CAPN5: variants seen among roughly 807,000 people sequenced by gnomAD.
The protein encoded by CAPN5 is calpain-5.
A neutral mutation model predicts 73.0 loss-of-function variants in CAPN5; 54 were observed. That is an observed-to-expected ratio of 0.74 (90% CI 0.59 to 0.93). CAPN5 has a LOEUF of 0.93. CAPN5 is among the 40% of genes least tolerant of loss of function. The pLI, the probability that CAPN5 is intolerant of heterozygous loss-of-function variation, is 0.00. For missense variants in CAPN5, 785 were observed against 882.9 expected (o/e 0.89, Z 1.41); for synonymous variants, 335 against 356.9 (o/e 0.94, Z 0.69).
chr11:77,082,272 C>T (rs1413343706), intron 1 of CAPN5, among the ~76,000 whole-genome samples: 2 of 152,116 alleles, frequency 1.3e-5, no homozygotes, highest in Non-Finnish European at 2.9e-5. Flanking sequence ...AGGGCAGGCA[C>T]ACAGGGCAGC....
chr11:77,093,698 C>T lies in CAPN5; in HGVS notation c.182C>T (p.Pro61Leu), dbSNP rs782029802. 1.2e-6 allele frequency: 2 copies of T among 1,602,362 alleles called. No homozygotes were observed. Among genetic ancestry groups the T allele is most frequent in the Middle Eastern group, 1.7e-4 (1 of 6,046 alleles). ...TCTCCGCAGGGCATCTGCGAGGACC[C>T]CCGCCTCTTTGTGGATGGCATCAGC... ...WKRPKGICED[P>L]RLFVDGISSH... Residue 61 changes from proline (P) to leucine (L), a missense_variant, in exon 3 of 13, where the codon CCC becomes CTC. By Grantham distance (98) the Pro-to-Leu change is moderately conservative. Transcript: ENST00000648180.
chr11:77,103,372 C>G lies in CAPN5; in HGVS notation c.298-9217C>G, dbSNP rs931354470. The stretch of plus-strand genomic sequence containing the variant: ...GCTGCTCTCCTCTAGCCCACCTGTG[C>G]TCTCCCCTGCCCCTGCCACTTTCCC... On this transcript the variant is annotated intron_variant, in intron 3 of 12. Coordinates refer to ENST00000648180, the MANE Select transcript of CAPN5 (RefSeq NM_004055.5). 5 of 1,574,922 alleles carry G rather than the reference C, an allele frequency of 3.2e-6. No homozygotes were observed. The African/African-American group carries it at 6.7e-5, about 21-fold the overall frequency.
chr11:77,091,055 T>C (rs1950144094), intron 2 of CAPN5, among the ~76,000 whole-genome samples: 1 of 152,150 alleles, frequency 6.6e-6, no homozygotes, highest in African/African-American at 2.4e-5. Context: ...AGGGGCCAGG[T>C]CTCAGGAGCT....
chr11:77,077,075 A>T (rs888665730), intron 1 of CAPN5, among the ~76,000 whole-genome samples: 2 of 152,234 alleles, frequency 1.3e-5, no homozygotes, highest in Non-Finnish European at 1.5e-5. Flanking sequence ...AAAAGATTTA[A>T]GTCAGGCACA....
chr11:77,069,777 C>G (rs1363017904), intron 1 of CAPN5, among the ~76,000 whole-genome samples: 2 of 152,218 alleles, frequency 1.3e-5, no homozygotes, highest in South Asian at 2.1e-4. Flanking sequence ...AGGCACCTCT[C>G]AAGTGCCCTC....
At chr11:77,121,901 A>G in intron 10 of CAPN5, 33 bp from the exon 11 acceptor site, 2 of 1,284,508 alleles carry the variant, frequency 1.6e-6, no homozygotes, top group East Asian at 5.2e-5. Flanking sequence ...GCCCTTCTCC[A>G]TCACTCCCCT....
chr11:77,103,011 AC>A lies in CAPN5; in HGVS notation c.297+9201del. 1.9e-6 allele frequency: 3 copies of A among 1,613,514 alleles called. No homozygotes were observed. In the South Asian group the frequency reaches 3.3e-5, roughly 18 times the overall value. ...GGAGTCTGTGTACCGCCTCAACTTC[AC>A]CCAGCAGCAGCGGCTACAGTTCGAG... is the stretch of plus-strand genomic sequence containing the variant. On this transcript the variant is annotated intron_variant, in intron 3 of 12. Coordinates refer to ENST00000648180, the MANE Select transcript of CAPN5 (RefSeq NM_004055.5).
At chr11:77,089,574 G>C (rs1286903727) in intron 2 of CAPN5, among the ~76,000 whole-genome samples, 1 of 152,226 alleles carries the variant, frequency 6.6e-6, no homozygotes, top group Non-Finnish European at 1.5e-5. Context: ...TGGTCTCATT[G>C]CTATCTAGTG....
chr11:77,083,479 C>T (rs1041706086), intron 1 of CAPN5, among the ~76,000 whole-genome samples: 6 of 152,310 alleles, frequency 3.9e-5, no homozygotes, highest in Admixed American at 6.5e-5. Context: ...GGTTCCCGTC[C>T]GGACACCAGG....
chr11:77,100,474 G>A (rs782151148), intron 3 of CAPN5, among the ~76,000 whole-genome samples: 3 of 151,912 alleles, frequency 2.0e-5, no homozygotes, highest in South Asian at 4.2e-4. Flanking sequence ...CCCCACCTTC[G>A]GCCTCCAGAA....
In CAPN5 at chr11:77,123,885, C is replaced by A. The variant is rs1555043390; in HGVS notation, c.*15C>A. 1 of 1,609,964 alleles carries A rather than the reference C, an allele frequency of 6.2e-7. No homozygotes were observed. The highest frequency in any genetic ancestry group is 2.2e-5 in the East Asian group (1 of 44,868). On this transcript the variant is annotated 3_prime_UTR_variant, in exon 13 of 13. Transcript: ENST00000648180. Reference sequence around the variant, plus strand: ...TGGCTGTCTGACACCTGCCCACCTACCTGGCTCTGACCGTTCCCACCACCA... The same window carrying A: ...TGGCTGTCTGACACCTGCCCACCTAACTGGCTCTGACCGTTCCCACCACCA...
At chr11:77,071,077 C>T (rs1236053470) in intron 1 of CAPN5, among the ~76,000 whole-genome samples, 1 of 152,220 alleles carries the variant, frequency 6.6e-6, no homozygotes, top group East Asian at 1.9e-4. Context: ...GGCCGTCATT[C>T]AGCCCACCCC....
At chr11:77,088,285 C>T (rs1950111723) in intron 2 of CAPN5, among the ~76,000 whole-genome samples, 1 of 152,128 alleles carries the variant, frequency 6.6e-6, no homozygotes. Context: ...GGACTCTTGC[C>T]CATCAAGCCA....
chr11:77,081,078 G>T (rs1371737175), intron 1 of CAPN5, among the ~76,000 whole-genome samples: 4 of 152,164 alleles, frequency 2.6e-5, no homozygotes, highest in Non-Finnish European at 4.4e-5. Flanking sequence ...CCCTGGAGAT[G>T]ATGGCCAGCT....
rs1238990108 is a variant in CAPN5 at position 77,099,739 on chromosome 11, G to GGGAGAGGGAGAC, written c.297+5950_297+5961dup. ...AGGGAGAGGGAGACGGAGAGGGAGAGGGAGAGGGAGACGGAGAGGGAGACG... is the reference window on the plus strand; with the variant it reads ...AGGGAGAGGGAGACGGAGAGGGAGAGGGAGAGGGAGACGGAGAGGGAGACGGAGAGGGAGACG... On this transcript the variant is annotated intron_variant, in intron 3 of 12. Transcript: ENST00000648180. Among the ~76,000 whole-genome samples, 160 of 148,700 alleles carry GGGAGAGGGAGAC rather than the reference G, an allele frequency of 1.1e-3. 1 individual carries two copies. The highest frequency in any genetic ancestry group is 2.1e-3 in the Admixed American group (31 of 15,070).
At position 77,123,945 on chromosome 11, in the gene CAPN5, G is replaced by T; in HGVS notation, c.*75G>T. On this transcript the variant is annotated 3_prime_UTR_variant, in exon 13 of 13. Coordinates refer to ENST00000648180, the MANE Select transcript of CAPN5 (RefSeq NM_004055.5). ...CCCCACTGGGCCTGAGTCTAGCCTG[G>T]GAGCCAGGATACTGGGGTCCTTTTC... The T allele has an allele frequency of 6.9e-7, 1 of 1,441,984 alleles. No individual in the cohort carries two copies. The highest frequency in any genetic ancestry group is 9.5e-7 in the Non-Finnish European group (1 of 1,047,576). The allele number at this position is 1,441,984 out of a possible 1,614,324, so 89.3% of individuals were successfully genotyped here. A position where few individuals can be genotyped will look rare whatever the true frequency, so the allele number is the denominator to read the frequency against.
At chr11:77,113,782 A>G (rs1399094266) in intron 4 of CAPN5, among the ~76,000 whole-genome samples, 2 of 136,600 alleles carry the variant, frequency 1.5e-5, no homozygotes, top group Non-Finnish European at 3.2e-5. Flanking sequence ...GAAAAAACAC[A>G]GTTTCATTGT....
chr11:77,073,764 G>A (rs1949936749), intron 1 of CAPN5, among the ~76,000 whole-genome samples: 1 of 152,220 alleles, frequency 6.6e-6, no homozygotes, highest in South Asian at 2.1e-4. Context: ...GGAGAGGGGA[G>A]GGGAGGAAAT....
chr11:77,099,456 A>G (rs28508272), intron 3 of CAPN5, among the ~76,000 whole-genome samples: 21,677 of 145,244 alleles, frequency 0.15, 298 homozygotes, highest in Middle Eastern at 0.21. Context: ...CACTGAGTGA[A>G]CGAGACTCCG....
Sources: gnomAD v4.1 joint callset for allele counts (sites outside exome capture counted in the v4.1 genomes callset) on GRCh38, gnomAD v4.1.1 for gene constraint, MANE v1.5 for transcripts, NCBI Gene and HGNC (gene_info 2026-07-23, HGNC 2026-07-21) for gene names.